NALF1: variants seen among roughly 807,000 people sequenced by gnomAD.
NALF1 encodes the protein NALCN channel auxiliary factor 1, also known as family with sequence similarity 155 member A.
A neutral mutation model predicts 48.4 loss-of-function variants in NALF1; 3 were observed. That is an observed-to-expected ratio of 0.06 (90% CI 0.03 to 0.16). The LOEUF is 0.16. Among genes scored for constraint, NALF1 ranks in the 10% least tolerant of loss-of-function variants. NALF1 has a pLI of 1.00. For synonymous variants in NALF1, 262 were observed against 245.7 expected, an observed-to-expected ratio of 1.07 and a Z score of -0.62; for missense variants, 526 against 571.5, an observed-to-expected ratio of 0.92 and a Z score of 0.81.
At chr13:107,278,412 G>A (rs1224957486) in intron 1 of NALF1, among the ~76,000 whole-genome samples, 1 of 152,222 alleles carries the variant, frequency 6.6e-6, no homozygotes, top group Non-Finnish European at 1.5e-5. Flanking sequence ...TAAGGCATCA[G>A]ACTGTAAGCT....
chr13:107,534,233 T>C (rs1323663), intron 1 of NALF1, among the ~76,000 whole-genome samples: 118,201 of 152,026 alleles, frequency 0.78, 47,379 homozygotes, highest in South Asian at 0.91. Context: ...CTGGAAAGTA[T>C]GATCTTTTTA....
At chr13:107,247,427 T>C in intron 1 of NALF1, among the ~76,000 whole-genome samples, 1 of 152,230 alleles carries the variant, frequency 6.6e-6, no homozygotes, top group East Asian at 1.9e-4. Context: ...GGGTTTGATT[T>C]GTATATATGA....
chr13:107,207,170 T>G (rs1289587503), intron 2 of NALF1, among the ~76,000 whole-genome samples: 1 of 152,208 alleles, frequency 6.6e-6, no homozygotes, highest in Non-Finnish European at 1.5e-5. Flanking sequence ...TCTCATTTTT[T>G]TATTTTATTC....
At chr13:107,642,122 C>G (rs1880175224) in intron 1 of NALF1, among the ~76,000 whole-genome samples, 1 of 152,148 alleles carries the variant, frequency 6.6e-6, no homozygotes, top group Non-Finnish European at 1.5e-5. Flanking sequence ...GAATCTGTAT[C>G]TTAATACAAT....
chr13:107,341,222 T>G (rs577977141), intron 1 of NALF1, among the ~76,000 whole-genome samples: 1 of 152,052 alleles, frequency 6.6e-6, no homozygotes, highest in African/African-American at 2.4e-5. Context: ...TCAGCCTACT[T>G]TGATAAAAGT....
At chr13:107,770,327 G>A (rs1418475755) in intron 1 of NALF1, among the ~76,000 whole-genome samples, 1 of 152,124 alleles carries the variant, frequency 6.6e-6, no homozygotes, top group Non-Finnish European at 1.5e-5. Flanking sequence ...TAGTTGTTTA[G>A]TTCTCCTTGA....
chr13:107,436,500 G>T (rs2139022111), intron 1 of NALF1, among the ~76,000 whole-genome samples: 1 of 152,234 alleles, frequency 6.6e-6, no homozygotes, highest in African/African-American at 2.4e-5. Context: ...AGTCAATGCA[G>T]TAAAAGCATT....
chr13:107,525,759 C>A (rs1184175935), intron 1 of NALF1, among the ~76,000 whole-genome samples: 1 of 152,062 alleles, frequency 6.6e-6, no homozygotes, highest in East Asian at 1.9e-4. Context: ...CACGAGAGAT[C>A]TAATGCTCTG....
chr13:107,476,050 C>A (rs1350922896), intron 1 of NALF1, among the ~76,000 whole-genome samples: 1 of 152,122 alleles, frequency 6.6e-6, no homozygotes, highest in Non-Finnish European at 1.5e-5. Context: ...CATCTATATT[C>A]TTTTGAGAAA....
chr13:107,392,400 T>G (rs1883642195), intron 1 of NALF1, among the ~76,000 whole-genome samples: 2 of 152,280 alleles, frequency 1.3e-5, no homozygotes, highest in Admixed American at 1.3e-4. Flanking sequence ...TCTCTTCAGC[T>G]GCTCCAGTTC....
rs187629291 is a variant in NALF1 at position 107,747,711 on chromosome 13, C to T, written c.915+117971G>A. On this transcript the variant is annotated intron_variant, in intron 1 of 2. Coordinates refer to ENST00000375915, the MANE Select transcript of NALF1 (RefSeq NM_001080396.3). ...TAGTCCTCTTTTATAGAAAATAAGG[C>T]TTCGATAAAGAATTGTATTTACTCA... Among the ~76,000 whole-genome samples the T allele has an allele frequency of 1.4e-3, 219 of 152,224 alleles. 1 individual carries two copies. The highest frequency in any genetic ancestry group is 4.8e-3 in the African/African-American group (200 of 41,532).
At chr13:107,850,889 C>T (rs1199991126) in intron 1 of NALF1, among the ~76,000 whole-genome samples, 1 of 151,126 alleles carries the variant, frequency 6.6e-6, no homozygotes, top group East Asian at 1.9e-4. Context: ...GATGACAGAG[C>T]GAGACTCCAT....
At chr13:107,271,814 A>ATATATATATATATATATTTATT (rs1374366280) in intron 1 of NALF1, among the ~76,000 whole-genome samples, 3 of 102,588 alleles carry the variant, frequency 2.9e-5, no homozygotes, top group African/African-American at 4.9e-5. Flanking sequence ...ATATATATAT[A>ATATATATATATATATATTTATT]TATTTATATA....
intron 1 of NALF1, among the ~76,000 whole-genome samples, chr13:107,240,679 G>A (rs545363930): frequency 6.6e-6 from 1 of 152,228 alleles, no homozygotes; most frequent in South Asian, 2.1e-4. Flanking sequence ...ATTGTATCAG[G>A]ACACATTTTT....
chr13:107,428,573 AG>A (rs1290752101), intron 1 of NALF1, among the ~76,000 whole-genome samples: 8 of 152,122 alleles, frequency 5.3e-5, no homozygotes, highest in Non-Finnish European at 1.0e-4. Flanking sequence ...ACAGCCCTAG[AG>A]AAGGTGCCAA....
chr13:107,833,884 T>A (rs1390843578), intron 1 of NALF1, among the ~76,000 whole-genome samples: 19 of 152,128 alleles, frequency 1.2e-4, no homozygotes, highest in Admixed American at 1.2e-3. Flanking sequence ...GCTGTTTTTT[T>A]AATTTTTAAT....
chr13:107,346,679 A>C (rs1882778170), intron 1 of NALF1, among the ~76,000 whole-genome samples: 1 of 152,196 alleles, frequency 6.6e-6, no homozygotes, highest in Non-Finnish European at 1.5e-5. Context: ...AAAAATTCCT[A>C]CAGATATTTT....
intron 1 of NALF1, among the ~76,000 whole-genome samples, chr13:107,834,225 G>C (rs1879825799): frequency 6.6e-6 from 1 of 152,086 alleles, no homozygotes; most frequent in Non-Finnish European, 1.5e-5. Flanking sequence ...GTTAAATATG[G>C]GATGTGAGCA....
chr13:107,272,231 G>A (rs1594099236), intron 1 of NALF1, among the ~76,000 whole-genome samples: 1 of 12,166 alleles, frequency 8.2e-5, no homozygotes. Flanking sequence ...TTTTTGAGAC[G>A]GAGTCTCGCT....
Sources: allele counts gnomAD v4.1 joint callset (sites outside exome capture counted in the v4.1 genomes callset), GRCh38; gene constraint gnomAD v4.1.1; transcripts MANE v1.5; gene names NCBI Gene and HGNC (gene_info 2026-07-23, HGNC 2026-07-21).